DLG2: variants seen among roughly 807,000 people sequenced by gnomAD.
The protein encoded by DLG2 is disks large homolog 2.
A neutral mutation model predicts 132.5 loss-of-function variants in DLG2; 45 were observed. That is an observed-to-expected ratio of 0.34 (90% CI 0.27 to 0.44). The LOEUF is 0.44. DLG2 is among the 20% of genes least tolerant of loss of function. The pLI, the probability that DLG2 is intolerant of heterozygous loss-of-function variation, is 1.00. For synonymous variants in DLG2, 424 were observed against 419.6 expected (o/e 1.01, Z -0.13); for missense variants, 1,045 against 1,196.9 (o/e 0.87, Z 1.87).
intron 10 of DLG2, among the ~76,000 whole-genome samples, chr11:84,091,282 C>G (rs1378067330): frequency 6.6e-6 from 1 of 152,150 alleles, no homozygotes; most frequent in African/African-American, 2.4e-5. Context: ...CTTGACTTAG[C>G]CCTCATCTCA....
chr11:84,408,445 T>C lies in DLG2; in HGVS notation c.519+126125A>G, dbSNP rs543468450. 3.4e-4 allele frequency among the ~76,000 whole-genome samples: 52 copies of C among 152,270 alleles called. 1 individual carries two copies. In the South Asian group the frequency reaches 0.01, roughly 30 times the overall value. ...GTGCCATGTTGGTGTGCTGCACCCA[T>C]TAACTCATCATTGCACATGTTATTT... On this transcript the variant is annotated intron_variant, in intron 7 of 27. Transcript: ENST00000376104.
At chr11:83,584,204 C>T (rs1209629646) in intron 19 of DLG2, among the ~76,000 whole-genome samples, 1 of 152,160 alleles carries the variant, frequency 6.6e-6, no homozygotes, top group Admixed American at 6.5e-5. Context: ...CACTAAGGGT[C>T]TATGGTGGAA....
chr11:84,908,898 C>T (rs1418804836), intron 6 of DLG2, among the ~76,000 whole-genome samples: 1 of 151,054 alleles, frequency 6.6e-6, no homozygotes. Context: ...CATTAGTATC[C>T]CATCTTACAG....
chr11:84,317,447 T>G, intron 7 of DLG2: 2 of 992,772 alleles, frequency 2.0e-6, no homozygotes, highest in Non-Finnish European at 2.6e-6. Context: ...GCTACAAGAC[T>G]GTACACTGTG....
intron 19 of DLG2, among the ~76,000 whole-genome samples, chr11:83,578,221 T>A (rs1202159641): frequency 3.3e-5 from 5 of 151,386 alleles, no homozygotes; most frequent in Admixed American, 6.6e-5. Context: ...AAGTTAAACA[T>A]GTACACTACA....
At chr11:85,429,888 G>A (rs1289210471) in intron 3 of DLG2, among the ~76,000 whole-genome samples, 1 of 152,090 alleles carries the variant, frequency 6.6e-6, no homozygotes, top group Non-Finnish European at 1.5e-5. Context: ...AAAACATGCT[G>A]CTATAAAGAC....
chr11:85,080,984 A>G (rs1391815668), intron 6 of DLG2, among the ~76,000 whole-genome samples: 1 of 152,180 alleles, frequency 6.6e-6, no homozygotes, highest in Admixed American at 6.5e-5. Context: ...TTATATAATA[A>G]TAATTTGATA....
intron 4 of DLG2, among the ~76,000 whole-genome samples, chr11:85,209,781 A>G (rs1355724034): frequency 6.6e-6 from 1 of 151,448 alleles, no homozygotes. Flanking sequence ...ATATAATCCA[A>G]AAATTTCTTT....
chr11:84,184,329 AT>A (rs1277009934), intron 8 of DLG2, among the ~76,000 whole-genome samples: 1 of 151,900 alleles, frequency 6.6e-6, no homozygotes, highest in Non-Finnish European at 1.5e-5. Context: ...ATGGCCAGTG[AT>A]GATGAGCATT....
At chr11:84,316,909 T>C (rs2098363768) in intron 7 of DLG2, 1 of 1,612,730 alleles carries the variant, frequency 6.2e-7, no homozygotes. Flanking sequence ...TGTGGGGGCT[T>C]TTCCGCACAC....
rs1315461155 is a variant in DLG2 at position 85,188,204 on chromosome 11, G to A, written c.187-33553C>T. Among the ~76,000 whole-genome samples, 5 of 152,200 alleles carry A rather than the reference G, an allele frequency of 3.3e-5. No homozygotes were observed. In the South Asian group the frequency reaches 1.0e-3, roughly 31 times the overall value. On this transcript the variant is annotated intron_variant, in intron 4 of 27. Coordinates refer to ENST00000376104, the MANE Select transcript of DLG2 (RefSeq NM_001142699.3). ...ATCAGTAGAGGGTGGAAGCCTTGCT[G>A]ATTCAAGATATTTAGGCACAAACTC...
At chr11:85,274,890 G>T (rs2077788923) in intron 4 of DLG2, among the ~76,000 whole-genome samples, 2 of 152,104 alleles carry the variant, frequency 1.3e-5, no homozygotes, top group South Asian at 4.1e-4. Context: ...GCCTTGCTAG[G>T]TTTCCCCTCT....
intron 15 of DLG2, among the ~76,000 whole-genome samples, chr11:83,926,775 C>T (rs1006269111): frequency 6.6e-6 from 1 of 152,004 alleles, no homozygotes; most frequent in Non-Finnish European, 1.5e-5. Context: ...ATATGTTATT[C>T]AAGAACACAG....
At chr11:84,505,431 G>A (rs2099236319) in intron 7 of DLG2, among the ~76,000 whole-genome samples, 1 of 152,110 alleles carries the variant, frequency 6.6e-6, no homozygotes, top group Non-Finnish European at 1.5e-5. Context: ...ACAAGGTTAA[G>A]TAATATATTT....
In DLG2 at chr11:84,519,899, C is replaced by T. The variant is rs540405740; in HGVS notation, c.519+14671G>A. On this transcript the variant is annotated intron_variant, in intron 7 of 27. Transcript: ENST00000376104. ...TTCATATCATTTCTGAAGTTTTATG[C>T]AATATTTTTGTGGGTATAGTTTTGT... Among the ~76,000 whole-genome samples, 14 of 152,176 alleles carry T rather than the reference C, an allele frequency of 9.2e-5. No homozygotes were observed. The East Asian group carries it at 2.3e-3, about 25-fold the overall frequency.
At chr11:84,648,943 G>A (rs1764036782) in intron 6 of DLG2, among the ~76,000 whole-genome samples, 1 of 151,838 alleles carries the variant, frequency 6.6e-6, no homozygotes, top group African/African-American at 2.4e-5. Flanking sequence ...ACAACACAAA[G>A]ACAGTGCCAC....
chr11:85,021,302 C>A, intron 6 of DLG2: 1 of 1,257,592 alleles, frequency 8.0e-7, no homozygotes, highest in Non-Finnish European at 1.2e-6. Context: ...TCATAATAAT[C>A]CCACTGAAAG....
chr11:85,625,196 C>T (rs563972797), intron 2 of DLG2: 50 of 152,196 alleles, frequency 3.3e-4, no homozygotes, highest in Middle Eastern at 3.4e-3. Flanking sequence ...CACACACACA[C>T]GTAATGTGTT....
Position 83,883,989 on chromosome 11 carries a change from C to T in DLG2, c.1497-9501G>A, listed in dbSNP as rs574634626. On this transcript the variant is annotated intron_variant, in intron 15 of 27. Coordinates refer to ENST00000376104, the MANE Select transcript of DLG2 (RefSeq NM_001142699.3). ...CAAGATGGCCGAATAGGAACAGCTCCGGTCTACAGCTCCCAGCGTGAGTGA... is the reference window on the plus strand; with the variant it reads ...CAAGATGGCCGAATAGGAACAGCTCTGGTCTACAGCTCCCAGCGTGAGTGA... 5.3e-5 allele frequency among the ~76,000 whole-genome samples: 8 copies of T among 152,316 alleles called. No homozygotes were observed. In the South Asian group the frequency reaches 8.3e-4, roughly 16 times the overall value.
Sources: allele counts gnomAD v4.1 joint callset (sites outside exome capture counted in the v4.1 genomes callset), GRCh38; gene constraint gnomAD v4.1.1; transcripts MANE v1.5; gene names NCBI Gene and HGNC (gene_info 2026-07-23, HGNC 2026-07-21).